The following ZNRF1 variants were observed in gnomAD, a reference collection of about 807,000 sequenced individuals.
ZNRF1 encodes the protein zinc and ring finger 1.
A neutral mutation model predicts 18.4 loss-of-function variants in ZNRF1; 3 were observed. The observed-to-expected ratio is 0.16, with a 90% confidence interval of 0.07 to 0.42. ZNRF1 has a LOEUF of 0.42. ZNRF1 is among the 10% of genes least tolerant of loss of function. ZNRF1 has a pLI of 0.99. For synonymous variants in ZNRF1, 157 were observed against 144.2 expected, an observed-to-expected ratio of 1.09 and a Z score of -0.64; for missense variants, 310 against 329.8, an observed-to-expected ratio of 0.94 and a Z score of 0.47.
chr16:75,033,146 T>C (rs2035328077), intron 1 of ZNRF1, among the ~76,000 whole-genome samples: 1 of 152,120 alleles, frequency 6.6e-6, no homozygotes, highest in Non-Finnish European at 1.5e-5. Flanking sequence ...TTATAATAAG[T>C]CTTGAAATCA....
At chr16:75,082,399 G>A (rs529598229) in intron 1 of ZNRF1, among the ~76,000 whole-genome samples, 3 of 152,340 alleles carry the variant, frequency 2.0e-5, no homozygotes, top group African/African-American at 7.2e-5. Context: ...TACTGTTGCT[G>A]AGGATCCACC....
At chr16:75,102,943 C>A (rs1308124476) in intron 2 of ZNRF1, among the ~76,000 whole-genome samples, 1 of 152,224 alleles carries the variant, frequency 6.6e-6, no homozygotes, top group Admixed American at 6.5e-5. Context: ...AGGCTGTTCC[C>A]TGTGCCCAGA....
rs72800336 is a variant in ZNRF1, at chr16:75,038,411, T to C, written c.424+38316T>C. Among the ~76,000 whole-genome samples the C allele has an allele frequency of 6.6e-3, 1,000 of 152,284 alleles. 7 individuals are homozygous for C. Among genetic ancestry groups the C allele is most frequent in the Non-Finnish European group, 0.011 (731 of 68,020 alleles). ...TTATTTGGAAGCTAAATTCCAAAAG[T>C]GAGCATACCAGGCAGCAAAGGCAGA... On this transcript the variant is annotated intron_variant, in intron 1 of 4. Coordinates refer to ENST00000335325, the MANE Select transcript of ZNRF1 (RefSeq NM_032268.5).
At chr16:75,025,058 A>T (rs1345212147) in intron 1 of ZNRF1, among the ~76,000 whole-genome samples, 1 of 151,912 alleles carries the variant, frequency 6.6e-6, no homozygotes, top group Non-Finnish European at 1.5e-5. Flanking sequence ...TTATTATTTT[A>T]TTTAATTAAT....
chr16:75,027,999 C>G (rs746958534), intron 1 of ZNRF1, among the ~76,000 whole-genome samples: 1 of 152,176 alleles, frequency 6.6e-6, no homozygotes, highest in Non-Finnish European at 1.5e-5. Context: ...TATCCACCCA[C>G]GTGCTTGTAT....
chr16:75,059,951 C>A (rs72800349), intron 1 of ZNRF1, among the ~76,000 whole-genome samples: 10,998 of 152,206 alleles, frequency 0.072, 458 homozygotes, highest in Admixed American at 0.13. Flanking sequence ...GACTAGACCT[C>A]GTTTGATTAT....
In ZNRF1 at chr16:75,016,699, C is replaced by CTTT. The variant is rs35899706; in HGVS notation, c.424+16622_424+16624dup. ...TACAGGCGTCTGTCACCATGCCTGG[C>CTTT]TTTTTTTTTTTTTTTTTTTTGTATG... On this transcript the variant is annotated intron_variant, in intron 1 of 4. Transcript: ENST00000335325. 8.0e-3 allele frequency among the ~76,000 whole-genome samples: 799 copies of CTTT among 99,486 alleles called. 68 individuals are homozygous for CTTT. Among genetic ancestry groups the CTTT allele is most frequent in the African/African-American group, 0.032 (749 of 23,418 alleles). 65.3% of individuals were successfully genotyped at this position (99,486 alleles called of 152,430 possible).
At chr16:75,023,135 T>G (rs1475418052) in intron 1 of ZNRF1, among the ~76,000 whole-genome samples, 2 of 152,130 alleles carry the variant, frequency 1.3e-5, no homozygotes, top group Non-Finnish European at 2.9e-5. Flanking sequence ...GTTTGTGAGG[T>G]GACTGGAGAA....
chr16:75,095,447 G>A (rs1426452712), intron 2 of ZNRF1: 3 of 727,130 alleles, frequency 4.1e-6, no homozygotes, highest in Non-Finnish European at 6.2e-6. Context: ...CAGGGAGGGA[G>A]AGGAGCCTTC....
intron 1 of ZNRF1, among the ~76,000 whole-genome samples, chr16:75,051,713 T>C (rs560356378): frequency 3.2e-4 from 49 of 152,270 alleles, no homozygotes; most frequent in African/African-American, 1.1e-3. Flanking sequence ...ATATGGGGTT[T>C]CACCGTGTTG....
intron 1 of ZNRF1, among the ~76,000 whole-genome samples, chr16:75,070,563 A>T (rs1284077451): frequency 6.6e-6 from 1 of 152,164 alleles, no homozygotes; most frequent in Non-Finnish European, 1.5e-5. Flanking sequence ...TTTACTCTCC[A>T]TACAAAGGAG....
rs776988005 is a variant in ZNRF1, at chr16:75,107,871, A to T, written c.*171A>T. ...TCTCCCTTCCTCCCTGAGGACACCA[A>T]ATTGGATGAGAGCAAGTTTGAGAGA... On this transcript the variant is annotated 3_prime_UTR_variant, in exon 5 of 5. Coordinates refer to ENST00000335325, the MANE Select transcript of ZNRF1 (RefSeq NM_032268.5). 1.3e-5 allele frequency: 6 copies of T among 450,784 alleles called. No homozygotes were observed. Among genetic ancestry groups the T allele is most frequent in the Admixed American group, 1.2e-4 (5 of 42,166 alleles). 27.9% of individuals were successfully genotyped at this position (450,784 alleles called of 1,614,324 possible). A position where few individuals can be genotyped will look rare whatever the true frequency, so the allele number is the denominator to read the frequency against.
intron 1 of ZNRF1, among the ~76,000 whole-genome samples, chr16:75,073,828 C>T (rs558988817): frequency 2.6e-5 from 4 of 152,096 alleles, no homozygotes; most frequent in South Asian, 2.1e-4. Context: ...GTGAGGATTT[C>T]GCTAGGAAAT....
intron 3 of ZNRF1, 40 bp from the exon 4 acceptor site, chr16:75,106,442 A>C: frequency 6.2e-7 from 1 of 1,612,576 alleles, no homozygotes; most frequent in South Asian, 1.1e-5. Context: ...CAGCCTGGGC[A>C]GCAGGTAACG....
intron 1 of ZNRF1, among the ~76,000 whole-genome samples, chr16:75,056,872 T>A (rs2035674042): frequency 2.6e-5 from 4 of 152,042 alleles, no homozygotes; most frequent in Admixed American, 6.6e-5. Context: ...CCTGACCTCA[T>A]GTGATCCACC....
rs527607141 is a variant in ZNRF1 at position 75,031,290 on chromosome 16, C to T, written c.424+31195C>T. 3.8e-4 allele frequency among the ~76,000 whole-genome samples: 58 copies of T among 151,934 alleles called. 1 individual carries two copies. Among genetic ancestry groups the T allele is most frequent in the Non-Finnish European group, 6.2e-4 (42 of 67,988 alleles). ...AGGATTACAGGCGTGCACCACCAAA[C>T]CCAACTAATTTTTGTATTTTTAGTA... On this transcript the variant is annotated intron_variant, in intron 1 of 4. Transcript: ENST00000335325.
rs116544307 is a variant in ZNRF1, at chr16:75,048,621, C to T, written c.425-44951C>T. Reference sequence around the variant, plus strand: ...GAAGAAATTCCCTTTTGTAACTTGTCGGCTCTCGAGAATAGAACCATTAGG... The same window carrying T: ...GAAGAAATTCCCTTTTGTAACTTGTTGGCTCTCGAGAATAGAACCATTAGG... On this transcript the variant is annotated intron_variant, in intron 1 of 4. Coordinates refer to ENST00000335325, the MANE Select transcript of ZNRF1 (RefSeq NM_032268.5). 7.3e-3 allele frequency among the ~76,000 whole-genome samples: 1,114 copies of T among 152,232 alleles called. 9 individuals are homozygous for T. Among genetic ancestry groups the T allele is most frequent in the African/African-American group, 0.024 (1,002 of 41,558 alleles).
chr16:75,029,573 C>T (rs559876454), intron 1 of ZNRF1, among the ~76,000 whole-genome samples: 65 of 150,924 alleles, frequency 4.3e-4, no homozygotes, highest in Middle Eastern at 6.8e-3. Flanking sequence ...TCAAGACCAG[C>T]CTGGCCAACA....
intron 1 of ZNRF1, among the ~76,000 whole-genome samples, chr16:75,050,273 C>G (rs1196583436): frequency 6.6e-6 from 1 of 152,162 alleles, no homozygotes; most frequent in Non-Finnish European, 1.5e-5. Flanking sequence ...CTCCTGTAAT[C>G]CCGGCACTTG....
Sources: allele counts gnomAD v4.1 joint callset (sites outside exome capture counted in the v4.1 genomes callset), GRCh38; gene constraint gnomAD v4.1.1; transcripts MANE v1.5; gene names NCBI Gene and HGNC (gene_info 2026-07-23, HGNC 2026-07-21).